PTPRQ: variants seen among roughly 807,000 people sequenced by gnomAD.
PTPRQ encodes protein tyrosine phosphatase receptor type Q, also known as phosphatidylinositol phosphatase PTPRQ.
Under a neutral mutation model 246.0 loss-of-function variants are expected in PTPRQ, and 199 were observed. That is an observed-to-expected ratio of 0.81 (90% CI 0.72 to 0.91). PTPRQ has a LOEUF of 0.91. Among genes scored for constraint, PTPRQ ranks in the 40% least tolerant of loss-of-function variants. PTPRQ has a pLI of 0.00. For missense variants in PTPRQ, 2,624 were observed against 2,528.4 expected, an observed-to-expected ratio of 1.04 and a Z score of -0.81; for synonymous variants, 869 against 853.2, an observed-to-expected ratio of 1.02 and a Z score of -0.32.
intron 3 of PTPRQ, among the ~76,000 whole-genome samples, chr12:80,450,171 C>A (rs897342712): frequency 1.6e-4 from 25 of 152,020 alleles, no homozygotes; most frequent in Non-Finnish European, 2.5e-4. Flanking sequence ...TGATTTGGCT[C>A]TCTGTTTGTC....
At chr12:80,571,704 T>G (rs1897150434) in intron 25 of PTPRQ, among the ~76,000 whole-genome samples, 1 of 152,140 alleles carries the variant, frequency 6.6e-6, no homozygotes, top group Admixed American at 6.5e-5. Context: ...GTGTGTAGTA[T>G]GAGAAGTGAT....
In PTPRQ at chr12:80,670,071, T is replaced by A. The variant is rs1222558656; in HGVS notation, c.6454-273T>A. The stretch of plus-strand genomic sequence containing the variant: ...AAAAGTGTTTCAATACCTATTATTC[T>A]GAGTGCTACAAAATGGCATACTATA... On this transcript the variant is annotated intron_variant, in intron 41 of 44. Coordinates refer to ENST00000644991, the MANE Select transcript of PTPRQ (RefSeq NM_001145026.2). 2.0e-5 allele frequency among the ~76,000 whole-genome samples: 3 copies of A among 152,232 alleles called. No individual in the cohort carries two copies. The East Asian group carries it at 5.8e-4, about 29-fold the overall frequency.
chr12:80,507,301 T>G (rs1204483019), intron 16 of PTPRQ, among the ~76,000 whole-genome samples: 1 of 152,054 alleles, frequency 6.6e-6, no homozygotes, highest in African/African-American at 2.4e-5. Context: ...AAAGATATAT[T>G]TGGGTTAGGA....
rs1179987341 is a variant in PTPRQ at position 80,463,902 on chromosome 12, G to A, written c.910+3000G>A. Among the ~76,000 whole-genome samples the A allele has an allele frequency of 7.0e-4, 106 of 151,114 alleles. 1 individual carries two copies. The highest frequency in any genetic ancestry group is 3.9e-3 in the Admixed American group (60 of 15,202). On this transcript the variant is annotated intron_variant, in intron 6 of 44. Coordinates refer to ENST00000644991, the MANE Select transcript of PTPRQ (RefSeq NM_001145026.2). ...TGGAAAGGAACAACTGGTACCAGCC[G>A]CTGCAAAATCATGCCAAAATGTAAA...
chr12:80,481,312 C>A (rs1447997842), intron 8 of PTPRQ, among the ~76,000 whole-genome samples: 1 of 152,082 alleles, frequency 6.6e-6, no homozygotes, highest in Non-Finnish European at 1.5e-5. Context: ...AGGCCTTTGA[C>A]AAAATTCAAC....
At chr12:80,497,097 G>T (rs1162963102) in intron 14 of PTPRQ, among the ~76,000 whole-genome samples, 1 of 151,910 alleles carries the variant, frequency 6.6e-6, no homozygotes, top group South Asian at 2.1e-4. Flanking sequence ...TCCGGACTAG[G>T]GAGGGGAGTG....
In PTPRQ at chr12:80,678,580, C is replaced by A. The variant is rs776589850; in HGVS notation, c.6739-22C>A. On this transcript the variant is annotated intron_variant, in intron 43 of 44. Coordinates refer to ENST00000644991, the MANE Select transcript of PTPRQ (RefSeq NM_001145026.2). ...ACTCTTCATCAATATATTTGTTTAA[C>A]CACTCTGTCTTTGGTGTCTAGGCAC... 13 of 1,529,624 alleles carry A rather than the reference C, an allele frequency of 8.5e-6. No homozygotes were observed. The South Asian group carries it at 1.6e-4, about 19-fold the overall frequency. The allele number at this position is 1,529,624 out of a possible 1,614,324, so 94.8% of individuals were successfully genotyped here.
intron 37 of PTPRQ, among the ~76,000 whole-genome samples, chr12:80,651,711 G>A (rs1900264093): frequency 1.3e-5 from 2 of 152,036 alleles, no homozygotes; most frequent in South Asian, 4.1e-4. Context: ...TAAAATATAA[G>A]TGCTCTTTCA....
At chr12:80,464,992 A>C (rs1201096106) in intron 6 of PTPRQ, among the ~76,000 whole-genome samples, 1 of 75,952 alleles carries the variant, frequency 1.3e-5, no homozygotes, top group Non-Finnish European at 2.6e-5. Flanking sequence ...GAAGGCAAGA[A>C]ATAACTAAAA....
rs191783751 is a variant in PTPRQ at position 80,481,823 on chromosome 12, G to A, written c.1187-2610G>A. On this transcript the variant is annotated intron_variant, in intron 8 of 44. Coordinates refer to ENST00000644991, the MANE Select transcript of PTPRQ (RefSeq NM_001145026.2). ...CCTAGGAATCCAACTTACAAGGGAT[G>A]TGAAGGACGTCTTCAAGGAGAACTA... Among the ~76,000 whole-genome samples, 639 of 152,174 alleles carry A rather than the reference G, an allele frequency of 4.2e-3. 7 individuals carry two copies. The highest frequency in any genetic ancestry group is 0.015 in the African/African-American group (615 of 41,494).
Position 80,605,134 on chromosome 12 carries a change from C to A in PTPRQ, c.4685C>A (p.Pro1562His). 6.5e-7 allele frequency: 1 copy of A among 1,545,532 alleles called. No individual in the cohort carries two copies. Among genetic ancestry groups the A allele is most frequent in the East Asian group, 2.5e-5 (1 of 40,692 alleles). Reference protein sequence around the residue: ...PFSISISWSEPAVITGPTCYL... With the variant: ...PFSISISWSEHAVITGPTCYL... The stretch of plus-strand genomic sequence containing the variant: ...AGCATCAGCATAAGCTGGAGTGAAC[C>A]TGCTGTCATTACTGGACCAACATGT... Residue 1562 changes from proline (P) to histidine (H), a missense_variant, in exon 27 of 45, where the codon CCT becomes CAT. Physicochemically the swap from Pro to His is moderately conservative, Grantham distance 77. Coordinates refer to ENST00000644991, the MANE Select transcript of PTPRQ (RefSeq NM_001145026.2).
intron 8 of PTPRQ, among the ~76,000 whole-genome samples, chr12:80,475,353 G>T (rs1010088212): frequency 6.6e-6 from 1 of 151,866 alleles, no homozygotes; most frequent in African/African-American, 2.4e-5. Context: ...ATGGCATTGG[G>T]GTAAAGAAAA....
chr12:80,569,917 CT>C (rs1448436467), intron 25 of PTPRQ, among the ~76,000 whole-genome samples: 1 of 151,756 alleles, frequency 6.6e-6, no homozygotes, highest in South Asian at 2.1e-4. Flanking sequence ...TGAACTCATT[CT>C]TTTTTATGGC....
intron 17 of PTPRQ, among the ~76,000 whole-genome samples, chr12:80,527,162 A>G (rs998228448): frequency 3.9e-5 from 6 of 152,172 alleles, no homozygotes; most frequent in African/African-American, 1.4e-4. Context: ...AGACACTTTC[A>G]TTTATAAAAT....
chr12:80,516,544 C>G (rs993304347), intron 17 of PTPRQ, among the ~76,000 whole-genome samples: 5 of 152,080 alleles, frequency 3.3e-5, no homozygotes, highest in Non-Finnish European at 5.9e-5. Flanking sequence ...AAAACACTTG[C>G]CAAAGAATAT....
chr12:80,477,748 T>C (rs115727055), intron 8 of PTPRQ, among the ~76,000 whole-genome samples: 2,395 of 152,246 alleles, frequency 0.016, 60 homozygotes, highest in African/African-American at 0.055. Context: ...CCCTTTCCCC[T>C]TGTCAAAGAA....
intron 14 of PTPRQ, among the ~76,000 whole-genome samples, chr12:80,500,007 G>A (rs1275682532): frequency 6.6e-6 from 1 of 151,816 alleles, no homozygotes. Flanking sequence ...TGTCTGATTT[G>A]GGGCAACAAC....
intron 17 of PTPRQ, among the ~76,000 whole-genome samples, chr12:80,533,220 A>G (rs1186918742): frequency 2.6e-5 from 4 of 152,000 alleles, no homozygotes; most frequent in African/African-American, 9.7e-5. Context: ...TTTTGGTTTT[A>G]GATATTAATC....
At chr12:80,492,620 C>T (rs1277859417) in intron 9 of PTPRQ, among the ~76,000 whole-genome samples, 1 of 151,888 alleles carries the variant, frequency 6.6e-6, no homozygotes, top group East Asian at 1.9e-4. Flanking sequence ...CTGATGTTTT[C>T]ACCTCAGTGT....
Sources: gnomAD v4.1 joint callset for allele counts (sites outside exome capture counted in the v4.1 genomes callset) on GRCh38, gnomAD v4.1.1 for gene constraint, MANE v1.5 for transcripts, NCBI Gene and HGNC (gene_info 2026-07-23, HGNC 2026-07-21) for gene names.